Variants in SBK1 observed in about 807,000 individuals in gnomAD.
SBK1 encodes the protein serine/threonine-protein kinase SBK1.
SBK1 carries 11 observed loss-of-function variants against 24.4 expected under a neutral mutation model. That is an observed-to-expected ratio of 0.45 (90% CI 0.28 to 0.75). The LOEUF (loss-of-function observed/expected upper bound fraction) is 0.75, where lower values mean the gene tolerates loss of function less well. SBK1 is among the 30% of genes least tolerant of loss of function. The pLI is 0.12. For synonymous variants in SBK1, 308 were observed against 284.4 expected (o/e 1.08, Z -0.83); for missense variants, 467 against 620.5 (o/e 0.75, Z 2.63).
At chr16:28,277,892 T>A (rs1457034516) in intron 1 of SBK1, among the ~76,000 whole-genome samples, 1 of 152,230 alleles carries the variant, frequency 6.6e-6, no homozygotes, top group Non-Finnish European at 1.5e-5. Context: ...TGCTCACATA[T>A]GCGGACCGGC....
chr16:28,289,248 AC>A (rs1317750194), upstream of SBK1, among the ~76,000 whole-genome samples: 1 of 152,126 alleles, frequency 6.6e-6, no homozygotes, highest in Non-Finnish European at 1.5e-5. Flanking sequence ...ACACCCAATA[AC>A]TCAAATCCCT....
In SBK1 at chr16:28,280,171, GTA is replaced by G. The variant is rs1555536545; in HGVS notation, c.257+20671_257+20672del. Among the ~76,000 whole-genome samples, 217 of 109,560 alleles carry G rather than the reference GTA, an allele frequency of 2.0e-3. 10 individuals carry two copies. In the South Asian group the frequency reaches 0.059, roughly 30 times the overall value. 71.9% of individuals were successfully genotyped at this position (109,560 alleles called of 152,430 possible). A position where few individuals can be genotyped will look rare whatever the true frequency, so the allele number is the denominator to read the frequency against. ...TATATGTGTGTGTGTGTGTGTGTGTGTATGTATATATACATATATATGTACAT... is the reference window on the plus strand; with the variant it reads ...TATATGTGTGTGTGTGTGTGTGTGTGTGTATATATACATATATATGTACAT... On this transcript the variant is annotated intron_variant, in intron 1 of 3. Coordinates refer to the SBK1 transcript ENST00000671413.
At chr16:28,314,324 C>CTTT (rs11462703) in intron 1 of SBK1, among the ~76,000 whole-genome samples, 11 of 94,474 alleles carry the variant, frequency 1.2e-4, no homozygotes, top group African/African-American at 3.5e-4. Flanking sequence ...ACCCAGCTAA[C>CTTT]TTTTTTTTTT....
chr16:28,292,477 G>A (rs1231227766), upstream of SBK1: 4 of 948,674 alleles, frequency 4.2e-6, no homozygotes, highest in South Asian at 1.9e-4. Context: ...GGAGGGCGGA[G>A]CCGCGGGCCG....
chr16:28,319,324 T>C lies in SBK1; in HGVS notation c.429+127T>C. On this transcript the variant is annotated intron_variant, in intron 3 of 3. Coordinates refer to ENST00000341901, the MANE Select transcript of SBK1 (RefSeq NM_001024401.3). This position sits in a 1 kb window ranked among gnomAD's most constrained non-coding sequence, Gnocchi z 4.0. The stretch of plus-strand genomic sequence containing the variant: ...GTGCCTGCTGTATGTCAGTTACCAT[T>C]TGGGGAGGTGGGGATGTGCAGTAAG... The C allele has an allele frequency of 1.4e-6, 1 of 731,062 alleles. No individual in the cohort carries two copies. The highest frequency in any genetic ancestry group is 2.3e-6 in the Non-Finnish European group (1 of 427,096). 45.3% of individuals were successfully genotyped at this position (731,062 alleles called of 1,614,324 possible).
Position 28,292,544 on chromosome 16 carries a change from G to C in SBK1, c.-764G>C. ...AGCCGCGATGCCGCGATGGAGCGCA[G>C]CCCGGGCGGGCGCCGGGGCCGGGGC... On this transcript the variant is annotated 5_prime_UTR_variant, in exon 1 of 4. Coordinates refer to ENST00000341901, the MANE Select transcript of SBK1 (RefSeq NM_001024401.3). The C allele has an allele frequency of 2.0e-6, 2 of 979,318 alleles. No individual in the cohort carries two copies. The highest frequency in any genetic ancestry group is 2.4e-6 in the Non-Finnish European group (2 of 827,298). The allele number at this position is 979,318 out of a possible 1,614,324, so 60.7% of individuals were successfully genotyped here.
At chr16:28,307,035 GCAGCCCCAGCCC>G (rs911430441) in intron 1 of SBK1, among the ~76,000 whole-genome samples, 34 of 152,200 alleles carry the variant, frequency 2.2e-4, no homozygotes, top group South Asian at 4.1e-4. Context: ...TCTCCCTCCA[GCAGCCCCAGCCC>G]CAGCCCCAGC....
intron 1 of SBK1, among the ~76,000 whole-genome samples, chr16:28,311,520 A>G (rs1786664728): frequency 6.6e-6 from 1 of 151,966 alleles, no homozygotes; most frequent in African/African-American, 2.4e-5. Flanking sequence ...CAACATAGCG[A>G]GACCCCATCT....
intron 1 of SBK1, among the ~76,000 whole-genome samples, chr16:28,281,242 T>C (rs1156768852): frequency 6.6e-6 from 1 of 152,168 alleles, no homozygotes; most frequent in African/African-American, 2.4e-5. Flanking sequence ...CCTCCCCTCC[T>C]AATTAACTGA....
At chr16:28,290,350 A>G (rs1353752834), upstream of SBK1, 2 of 152,000 alleles carry the variant, frequency 1.3e-5, no homozygotes, top group East Asian at 3.9e-4. Flanking sequence ...GAAAAAAGAC[A>G]ATCACCAGGC....
intron 1 of SBK1, among the ~76,000 whole-genome samples, chr16:28,284,071 T>TG (rs1567673129): frequency 3.3e-5 from 5 of 152,038 alleles, no homozygotes; most frequent in Non-Finnish European, 5.9e-5. Flanking sequence ...GGGGTTCACC[T>TG]CCCATTGCCC....
At chr16:28,300,776 A>G (rs2044673190) in intron 1 of SBK1, among the ~76,000 whole-genome samples, 1 of 152,214 alleles carries the variant, frequency 6.6e-6, no homozygotes. Context: ...GCTATTACTA[A>G]TAGTACCCTA....
At chr16:28,277,281 G>A (rs1202373774) in intron 1 of SBK1, among the ~76,000 whole-genome samples, 1 of 151,982 alleles carries the variant, frequency 6.6e-6, no homozygotes, top group Admixed American at 6.6e-5. Flanking sequence ...GTGTGGCTGC[G>A]TGGGGACTTT....
In SBK1 at chr16:28,319,103, A is replaced by C. The variant is rs776037777; in HGVS notation, c.335A>C (p.Lys112Thr). ...CTCTCCTCCAGCCCCTTCATCATCA[A>C]GGTCTTTGACGTGGTCTTTGAGACA... ...NSLSSSPFII[K>T]VFDVVFETED... The change falls in exon 3 of 4, where the codon AAG becomes ACG. Residue 112 changes from lysine (K) to threonine (T), a missense_variant. Physicochemically the swap from Lys to Thr is moderately conservative, Grantham distance 78. Around this residue, in one of 4 missense-constraint regions of SBK1, gnomAD observed 123 missense variants for 158.2 expected, o/e 0.78. Coordinates refer to ENST00000341901, the MANE Select transcript of SBK1 (RefSeq NM_001024401.3). The surrounding 1 kb of genome is among the most constrained non-coding windows in gnomAD (Gnocchi z 4.0). 2.5e-6 allele frequency: 4 copies of C among 1,614,002 alleles called. No individual in the cohort carries two copies. In the South Asian group the frequency reaches 4.4e-5, roughly 18 times the overall value.
chr16:28,269,080 C>T (rs1332776398), intron 1 of SBK1, among the ~76,000 whole-genome samples: 1 of 145,376 alleles, frequency 6.9e-6, no homozygotes, highest in East Asian at 2.0e-4. Context: ...GTCACCCAGG[C>T]TGGAGTGCAA....
At chr16:28,280,702 T>C (rs995741219) in intron 1 of SBK1, among the ~76,000 whole-genome samples, 1 of 152,094 alleles carries the variant, frequency 6.6e-6, no homozygotes, top group African/African-American at 2.4e-5. Flanking sequence ...TCTCACTCTG[T>C]CACACAGGCT....
upstream of SBK1, chr16:28,291,246 C>T (rs2141574425): frequency 6.6e-6 from 1 of 152,110 alleles, no homozygotes; most frequent in South Asian, 2.1e-4. Flanking sequence ...TCTCAGCAAA[C>T]TATCGCAAGG....
chr16:28,274,552 T>C (rs962962046), intron 1 of SBK1, among the ~76,000 whole-genome samples: 5 of 152,084 alleles, frequency 3.3e-5, no homozygotes, highest in African/African-American at 1.2e-4. Flanking sequence ...TTCGGGAGGC[T>C]GAGGCAGGAG....
chr16:28,295,977 G>A (rs1265492958), intron 1 of SBK1, among the ~76,000 whole-genome samples: 2 of 148,652 alleles, frequency 1.3e-5, no homozygotes, highest in Non-Finnish European at 3.0e-5. Context: ...CCGGGCTGGA[G>A]TGTAATGGCG....
Sources: gnomAD v4.1 joint callset for allele counts (sites outside exome capture counted in the v4.1 genomes callset) on GRCh38, gnomAD v4.1.1 for gene constraint, gnomAD v4.1.1 regional missense constraint, Gnocchi (gnomAD v3.1) non-coding constraint, MANE v1.5 for transcripts, NCBI Gene and HGNC (gene_info 2026-07-23, HGNC 2026-07-21) for gene names.